WWOX: variants seen among roughly 807,000 people sequenced by gnomAD.
WWOX encodes WW domain containing oxidoreductase.
WWOX carries 69 observed loss-of-function variants against 46.2 expected under a neutral mutation model. The observed-to-expected ratio is 1.49, with a 90% CI of 1.23 to 1.82. The LOEUF is 1.82. Among genes scored for constraint, WWOX ranks in the 40% most tolerant of loss-of-function variants. The pLI is 0.00. For missense variants in WWOX, 919 were observed against 542.6 expected, an observed-to-expected ratio of 1.69 and a Z score of -6.89; for synonymous variants, 359 against 202.6, an observed-to-expected ratio of 1.77 and a Z score of -6.56.
At chr16:78,650,813 C>T (rs1405364135) in intron 8 of WWOX, among the ~76,000 whole-genome samples, 1 of 152,162 alleles carries the variant, frequency 6.6e-6, no homozygotes, top group Non-Finnish European at 1.5e-5. Flanking sequence ...AAAGGTTCCA[C>T]TGTGGATTTT....
At chr16:78,917,610 G>T (rs998017629) in intron 8 of WWOX, among the ~76,000 whole-genome samples, 1 of 151,936 alleles carries the variant, frequency 6.6e-6, no homozygotes, top group African/African-American at 2.4e-5. Flanking sequence ...TGCAGCTGCA[G>T]CCCTTCTACT....
chr16:78,437,823 A>G (rs896917825), intron 8 of WWOX, among the ~76,000 whole-genome samples: 2 of 152,202 alleles, frequency 1.3e-5, no homozygotes, highest in African/African-American at 4.8e-5. Flanking sequence ...CGTGCATTAC[A>G]TGTTTATTTT....
chr16:79,191,481 A>G (rs2051135675), intron 8 of WWOX, among the ~76,000 whole-genome samples: 1 of 152,148 alleles, frequency 6.6e-6, no homozygotes, highest in Non-Finnish European at 1.5e-5. Flanking sequence ...CAAAGTAGCT[A>G]CAACTGCACA....
chr16:78,408,733 T>A (rs1231584084), intron 6 of WWOX, among the ~76,000 whole-genome samples: 1 of 152,030 alleles, frequency 6.6e-6, no homozygotes, highest in East Asian at 1.9e-4. Context: ...AATTTGCAGA[T>A]AAAGAGCAAG....
chr16:78,804,771 C>G (rs894352695), intron 8 of WWOX, among the ~76,000 whole-genome samples: 1 of 151,976 alleles, frequency 6.6e-6, no homozygotes, highest in African/African-American at 2.4e-5. Flanking sequence ...CTTGATAGTT[C>G]AGGTGTGCAG....
intron 8 of WWOX, among the ~76,000 whole-genome samples, chr16:79,185,888 G>C (rs963023695): frequency 3.3e-5 from 5 of 152,108 alleles, no homozygotes; most frequent in Non-Finnish European, 7.3e-5. Flanking sequence ...TCAGATATCT[G>C]AGGCCTGATA....
intron 8 of WWOX, among the ~76,000 whole-genome samples, chr16:78,882,816 A>G (rs931808459): frequency 1.4e-5 from 2 of 147,652 alleles, no homozygotes; most frequent in South Asian, 4.5e-4. Context: ...AGTTTTTACA[A>G]TGCCACCATT....
Position 78,432,541 on chromosome 16 carries a change from C to A in WWOX, c.845C>A (p.Pro282Gln), listed in dbSNP as rs770542796. ...LGKLDFSRLS[P>Q]TKNDYWAMLA... Reference sequence around the variant, plus strand: ...AAACTGGACTTCAGTCGCCTCTCTCCAACAAAAAACGACTATTGGGCGATG... The same window carrying A: ...AAACTGGACTTCAGTCGCCTCTCTCAAACAAAAAACGACTATTGGGCGATG... The change falls in exon 8 of 9, where the codon CCA becomes CAA. Residue 282 changes from proline to glutamine, a missense_variant. By Grantham distance (76) the Pro-to-Gln change is moderately conservative. Transcript: ENST00000566780. 5 of 1,614,054 alleles carry A rather than the reference C, an allele frequency of 3.1e-6. No individual in the cohort carries two copies. Among genetic ancestry groups the A allele is most frequent in the Non-Finnish European group, 4.2e-6 (5 of 1,179,990 alleles).
At chr16:78,397,839 C>G (rs1447722478) in intron 6 of WWOX, among the ~76,000 whole-genome samples, 1 of 152,174 alleles carries the variant, frequency 6.6e-6, no homozygotes, top group Non-Finnish European at 1.5e-5. Context: ...AGCCAATTTT[C>G]TATCACCAAA....
intron 8 of WWOX, among the ~76,000 whole-genome samples, chr16:78,655,283 T>A (rs1045932950): frequency 2.6e-5 from 4 of 152,142 alleles, no homozygotes; most frequent in Non-Finnish European, 5.9e-5. Context: ...TTTGATTTGA[T>A]CACTTAGAGA....
chr16:78,234,120 CTT>C (rs35461313), intron 5 of WWOX, among the ~76,000 whole-genome samples: 44 of 149,534 alleles, frequency 2.9e-4, no homozygotes, highest in African/African-American at 8.9e-4. Flanking sequence ...AGTTCATATT[CTT>C]TTTTTTTTTT....
intron 8 of WWOX, among the ~76,000 whole-genome samples, chr16:79,033,975 G>T (rs1189149069): frequency 6.6e-6 from 1 of 152,154 alleles, no homozygotes; most frequent in African/African-American, 2.4e-5. Context: ...CCAGCCAAGG[G>T]GTCACGCAGG....
chr16:78,678,126 A>T (rs1176794331), intron 8 of WWOX, among the ~76,000 whole-genome samples: 4 of 152,158 alleles, frequency 2.6e-5, no homozygotes, highest in Non-Finnish European at 5.9e-5. Flanking sequence ...AGAGTGAATG[A>T]AGGCTTAAGG....
chr16:78,848,796 CCT>C (rs1491285243), intron 8 of WWOX, among the ~76,000 whole-genome samples: 1 of 58,288 alleles, frequency 1.7e-5, no homozygotes, highest in Non-Finnish European at 4.7e-5. Context: ...TACACAGAGA[CCT>C]TTTTTTTTTT....
intron 8 of WWOX, among the ~76,000 whole-genome samples, chr16:78,872,352 A>C (rs1376973733): frequency 1.3e-5 from 2 of 152,196 alleles, no homozygotes; most frequent in East Asian, 3.9e-4. Context: ...CTGAGGACTC[A>C]ACAAAGTTAT....
intron 8 of WWOX, among the ~76,000 whole-genome samples, chr16:78,998,064 C>T (rs1443818111): frequency 6.6e-6 from 1 of 152,066 alleles, no homozygotes; most frequent in East Asian, 1.9e-4. Flanking sequence ...TTAGTAAAGA[C>T]AGGGTTTCTC....
At chr16:78,146,659 CT>C (rs2034209617) in intron 4 of WWOX, among the ~76,000 whole-genome samples, 1 of 152,174 alleles carries the variant, frequency 6.6e-6, no homozygotes, top group African/African-American at 2.4e-5. Context: ...CCAGCTCTCC[CT>C]TCTGAGTGTC....
chr16:78,117,018 G>A (rs981404874), intron 4 of WWOX, among the ~76,000 whole-genome samples: 1 of 152,192 alleles, frequency 6.6e-6, no homozygotes, highest in Admixed American at 6.5e-5. Flanking sequence ...TATTAAAAGG[G>A]TGATATCTAG....
At chr16:78,210,497 A>G (rs1032357449) in intron 5 of WWOX, among the ~76,000 whole-genome samples, 1 of 152,048 alleles carries the variant, frequency 6.6e-6, no homozygotes, top group South Asian at 2.1e-4. Context: ...GCGTGCACAC[A>G]CACAGACACA....
Sources: allele counts gnomAD v4.1 joint callset (sites outside exome capture counted in the v4.1 genomes callset), GRCh38; gene constraint gnomAD v4.1.1; transcripts MANE v1.5; gene names NCBI Gene and HGNC (gene_info 2026-07-23, HGNC 2026-07-21).